Variants in RPS6KC1 observed in about 807,000 individuals in gnomAD.
RPS6KC1 encodes ribosomal protein S6 kinase C1.
In RPS6KC1, 54 loss-of-function variants were observed where a neutral mutation model predicts 103.8. That is an observed-to-expected ratio of 0.52 (90% confidence interval 0.42 to 0.65). The LOEUF (loss-of-function observed/expected upper bound fraction) is 0.65. RPS6KC1 is among the 30% of genes least tolerant of loss of function. The pLI is 0.00. For missense variants in RPS6KC1, 1,151 were observed against 1,253.8 expected (o/e 0.92, Z 1.24); for synonymous variants, 439 against 438.7 (o/e 1.00, Z -0.01).
At position 213,232,388 on chromosome 1, in the gene RPS6KC1, T is replaced by A. The variant is rs1280048102; in HGVS notation, c.1225+133T>A. 56 of 1,089,604 alleles carry A rather than the reference T, an allele frequency of 5.1e-5. No homozygotes were observed. In the Admixed American group the frequency reaches 1.0e-3, roughly 20 times the overall value. The allele number at this position is 1,089,604 out of a possible 1,614,324, so 67.5% of individuals were successfully genotyped here. On this transcript the variant is annotated intron_variant, in intron 10 of 14. Coordinates refer to ENST00000366960, the MANE Select transcript of RPS6KC1 (RefSeq NM_012424.6). ...GAAACCATTTCCTATTCCTCTGCTC[T>A]ACCTCCCTACTTTGAGTTGTGAGGG...
intron 8 of RPS6KC1, among the ~76,000 whole-genome samples, chr1:213,178,710 A>G (rs1230601519): frequency 6.6e-6 from 1 of 151,834 alleles, no homozygotes; most frequent in Non-Finnish European, 1.5e-5. Context: ...TTAGAAGGTG[A>G]CATTTAACTT....
At chr1:213,471,305 A>T in the RPS6KC1 span, among the ~76,000 whole-genome samples, 6 of 152,206 alleles carry the variant, frequency 3.9e-5, no homozygotes, top group African/African-American at 1.4e-4. Flanking sequence ...TCTGCCAAGG[A>T]ACTCTGGGGT....
At chr1:213,718,039 C>T in the RPS6KC1 span, among the ~76,000 whole-genome samples, 13 of 152,226 alleles carry the variant, frequency 8.5e-5, no homozygotes, top group Non-Finnish European at 1.8e-4. Context: ...ACGGAGGCAT[C>T]ATCTGTCTAT....
At chr1:213,602,140 T>TTC in the RPS6KC1 span, among the ~76,000 whole-genome samples, 8 of 78,740 alleles carry the variant, frequency 1.0e-4, no homozygotes, top group South Asian at 4.7e-4. Context: ...CTTTCTTTCT[T>TTC]TCTTTCTTTC....
the RPS6KC1 span, among the ~76,000 whole-genome samples, chr1:213,574,681 C>G: frequency 6.6e-6 from 1 of 152,198 alleles, no homozygotes; most frequent in Non-Finnish European, 1.5e-5. Context: ...GGCTTGGTCA[C>G]ATCTCCCTGC....
chr1:213,372,958 G>A, the RPS6KC1 span, among the ~76,000 whole-genome samples: 1 of 152,112 alleles, frequency 6.6e-6, no homozygotes, highest in Non-Finnish European at 1.5e-5. Context: ...TTGTAATGTT[G>A]AAGGTGTATG....
chr1:213,166,972 G>A (rs1332429560), intron 6 of RPS6KC1, among the ~76,000 whole-genome samples: 2 of 152,082 alleles, frequency 1.3e-5, no homozygotes, highest in Non-Finnish European at 2.9e-5. Context: ...TTTCACATTG[G>A]CCTTTTTTTG....
intron 8 of RPS6KC1, among the ~76,000 whole-genome samples, chr1:213,221,034 C>A (rs1243150087): frequency 6.6e-6 from 1 of 151,988 alleles, no homozygotes; most frequent in Admixed American, 6.6e-5. Context: ...GAAAAACAGG[C>A]CTTTCAAAAC....
At chr1:213,129,355 G>C (rs2085332827) in intron 5 of RPS6KC1, among the ~76,000 whole-genome samples, 172 bp from the exon 6 acceptor site, 2 of 152,202 alleles carry the variant, frequency 1.3e-5, no homozygotes, top group South Asian at 4.1e-4. Context: ...CAGAGAGACA[G>C]TAAAATGAAT....
the RPS6KC1 span, among the ~76,000 whole-genome samples, chr1:213,402,234 G>A: frequency 6.6e-6 from 1 of 152,148 alleles, no homozygotes; most frequent in Non-Finnish European, 1.5e-5. Flanking sequence ...GTGCCAGGCA[G>A]CCTCAATGTG....
At position 213,095,091 on chromosome 1, in the gene RPS6KC1, C is replaced by T. The variant is rs1048604775; in HGVS notation, c.263-9363C>T. Among the ~76,000 whole-genome samples the T allele has an allele frequency of 2.0e-5, 3 of 152,144 alleles. No individual in the cohort carries two copies. The East Asian group carries it at 5.8e-4, about 29-fold the overall frequency. On this transcript the variant is annotated intron_variant, in intron 3 of 14. Transcript: ENST00000366960. The stretch of plus-strand genomic sequence containing the variant: ...AACCCTTCCCTAACACAAGCCAAAG[C>T]CCTGTAAGTCCTTTCTGATACCCTC...
At chr1:213,563,972 C>CTTTTTTTTTTTTTTTTTTTTTTCTTT in the RPS6KC1 span, among the ~76,000 whole-genome samples, 3 of 134,392 alleles carry the variant, frequency 2.2e-5, no homozygotes, top group Admixed American at 7.5e-5. Context: ...TTGCTTACCT[C>CTTTTTTTTTTTTTTTTTTTTTTCTTT]TTTTTTTTTT....
chr1:213,550,230 GC>G, the RPS6KC1 span, among the ~76,000 whole-genome samples: 1 of 152,182 alleles, frequency 6.6e-6, no homozygotes, highest in East Asian at 1.9e-4. Context: ...GGGTAACATT[GC>G]GGTGTCAGAC....
chr1:213,591,950 T>C, the RPS6KC1 span, among the ~76,000 whole-genome samples: 2 of 152,214 alleles, frequency 1.3e-5, no homozygotes, highest in Non-Finnish European at 2.9e-5. Flanking sequence ...AGCATGACCT[T>C]GGGACAGGTG....
At chr1:213,361,994 G>T in the RPS6KC1 span, among the ~76,000 whole-genome samples, 1 of 152,200 alleles carries the variant, frequency 6.6e-6, no homozygotes, top group Non-Finnish European at 1.5e-5. Flanking sequence ...GCACCCAAAT[G>T]ACTGACAGAT....
intron 8 of RPS6KC1, among the ~76,000 whole-genome samples, chr1:213,208,677 A>G (rs1284948579): frequency 1.3e-5 from 2 of 152,092 alleles, no homozygotes; most frequent in African/African-American, 2.4e-5. Flanking sequence ...CAGTGGTGGA[A>G]GCAGGAATGA....
At chr1:213,590,121 C>T in the RPS6KC1 span, among the ~76,000 whole-genome samples, 1 of 152,076 alleles carries the variant, frequency 6.6e-6, no homozygotes, top group Non-Finnish European at 1.5e-5. Context: ...TATTGTATTT[C>T]CTGGGGATAG....
the RPS6KC1 span, among the ~76,000 whole-genome samples, chr1:213,665,100 A>G: frequency 6.6e-6 from 1 of 152,148 alleles, no homozygotes; most frequent in African/African-American, 2.4e-5. Context: ...TACACAATAC[A>G]TTCATTAGGA....
chr1:213,677,340 G>A, the RPS6KC1 span, among the ~76,000 whole-genome samples: 2 of 152,266 alleles, frequency 1.3e-5, no homozygotes, highest in South Asian at 4.1e-4. Flanking sequence ...CATTTTACAA[G>A]TGTGGAAGAG....
Sources: allele counts gnomAD v4.1 joint callset (sites outside exome capture counted in the v4.1 genomes callset), GRCh38; gene constraint gnomAD v4.1.1; transcripts MANE v1.5; gene names NCBI Gene and HGNC (gene_info 2026-07-23, HGNC 2026-07-21).